STK31: variants seen among roughly 807,000 people sequenced by gnomAD.
STK31 encodes serine/threonine kinase 31.
In STK31, 89 loss-of-function variants were observed where a neutral mutation model predicts 129.7. That is an observed-to-expected ratio of 0.69 (90% CI 0.58 to 0.82). The LOEUF (loss-of-function observed/expected upper bound fraction) is 0.82. STK31 is among the 40% of genes least tolerant of loss of function. STK31 has a pLI of 0.00. For missense variants in STK31, 1,187 were observed against 1,176.4 expected, an observed-to-expected ratio of 1.01 and a Z score of -0.13; for synonymous variants, 448 against 395.3, an observed-to-expected ratio of 1.13 and a Z score of -1.58.
At chr7:23,785,379 G>A in intron 17 of STK31, 99 bp from the exon 18 acceptor site, 1 of 1,486,004 alleles carries the variant, frequency 6.7e-7, no homozygotes. Flanking sequence ...ACAGTTGATG[G>A]TGTCCAAGTC....
At chr7:23,753,368 A>G (rs1403341313) in intron 9 of STK31, among the ~76,000 whole-genome samples, 3 of 152,086 alleles carry the variant, frequency 2.0e-5, no homozygotes, top group Non-Finnish European at 4.4e-5. Context: ...GAGTGTGTGG[A>G]TGAGGGTGAG....
At chr7:23,828,399 C>T (rs954949119) in intron 23 of STK31, among the ~76,000 whole-genome samples, 1 of 152,238 alleles carries the variant, frequency 6.6e-6, no homozygotes, top group Non-Finnish European at 1.5e-5. Context: ...GAGCCATGTG[C>T]CGGATATAAT....
At chr7:23,726,897 G>A (rs971176085) in intron 4 of STK31, among the ~76,000 whole-genome samples, 11 of 151,944 alleles carry the variant, frequency 7.2e-5, no homozygotes, top group African/African-American at 2.2e-4. Flanking sequence ...ACCAATTATC[G>A]CCTCAGATAT....
Position 23,712,159 on chromosome 7 carries a change from A to C in STK31, c.97+14A>C, listed in dbSNP as rs748461587. 5 of 1,613,764 alleles carry C rather than the reference A, an allele frequency of 3.1e-6. No homozygotes were observed. The highest frequency in any genetic ancestry group is 4.2e-6 in the Non-Finnish European group (5 of 1,179,748). On this transcript the variant is annotated intron_variant, in intron 2 of 23. Transcript: ENST00000355870. ...ATTACGATAAAGGTACTGACACTAAAAATTATTTTGGGGTGTAAGAGCTAG... is the reference window on the plus strand; with the variant it reads ...ATTACGATAAAGGTACTGACACTAACAATTATTTTGGGGTGTAAGAGCTAG...
At chr7:23,726,264 A>G (rs746657236) in intron 4 of STK31, 8 of 151,938 alleles carry the variant, frequency 5.3e-5, no homozygotes, top group Non-Finnish European at 1.2e-4. Context: ...TCTAGAGGCC[A>G]GAAGGGATGT....
chr7:23,726,399 C>CCTGG (rs1489525977), intron 4 of STK31: 1 of 126,864 alleles, frequency 7.9e-6, no homozygotes, highest in East Asian at 2.4e-4. Context: ...TGAAAGCCAG[C>CCTGG]CTGGGCAACA....
At chr7:23,758,887 C>G (rs963665308) in intron 10 of STK31, among the ~76,000 whole-genome samples, 1 of 152,092 alleles carries the variant, frequency 6.6e-6, no homozygotes. Flanking sequence ...GTGCTGTATT[C>G]AGGAGACCCA....
At chr7:23,830,826 G>A (rs1227445449) in intron 23 of STK31, among the ~76,000 whole-genome samples, 2 of 152,100 alleles carry the variant, frequency 1.3e-5, no homozygotes, top group African/African-American at 4.8e-5. Context: ...CACCATGTCA[G>A]CCAGGCTGGT....
At chr7:23,726,429 C>CAAAAAAAAAAAA (rs70956913) in intron 4 of STK31, 6 of 79,128 alleles carry the variant, frequency 7.6e-5, no homozygotes, top group East Asian at 3.5e-4. Context: ...CTTGCCTCTA[C>CAAAAAAAAAAAA]AAAAAAAAAA....
intron 11 of STK31, among the ~76,000 whole-genome samples, chr7:23,767,140 T>C (rs1789879848): frequency 6.6e-6 from 1 of 152,244 alleles, no homozygotes; most frequent in Admixed American, 6.5e-5. Context: ...ATATTTATTA[T>C]GCTTATTTTT....
chr7:23,825,295 A>C (rs946413882), intron 23 of STK31, among the ~76,000 whole-genome samples: 2 of 152,190 alleles, frequency 1.3e-5, no homozygotes, highest in African/African-American at 2.4e-5. Flanking sequence ...TGGTCTATTC[A>C]GAGATTCAAC....
At chr7:23,830,205 T>C (rs1794457501) in intron 23 of STK31, among the ~76,000 whole-genome samples, 1 of 152,204 alleles carries the variant, frequency 6.6e-6, no homozygotes, top group African/African-American at 2.4e-5. Context: ...AAAGTTTTAG[T>C]ACAGCTAGCA....
At position 23,832,149 on chromosome 7, in the gene STK31, A is replaced by T. The variant is rs376560007; in HGVS notation, c.2843A>T (p.Lys948Ile). The T allele has an allele frequency of 1.9e-6, 3 of 1,613,218 alleles. No homozygotes were observed. Among genetic ancestry groups the T allele is most frequent in the Non-Finnish European group, 2.5e-6 (3 of 1,179,496 alleles). ...TTTTCCTTGCAGGATGATAAAGTCA[A>T]ATCCCTCCTCTGTAGCTTGATATGT... The part of the protein sequence containing the change: ...VDQFHLDDKV[K>I]SLLCSLICYR... Residue 948 changes from lysine (K) to isoleucine (I), a missense_variant, in exon 24 of 24, where the codon AAA (lysine) becomes ATA (isoleucine). Coordinates refer to ENST00000355870, the MANE Select transcript of STK31 (RefSeq NM_031414.5).
chr7:23,754,254 T>C, intron 9 of STK31, 61 bp from the exon 10 acceptor site: 1 of 1,562,216 alleles, frequency 6.4e-7, no homozygotes, highest in Non-Finnish European at 8.7e-7. Context: ...AAAGTGTAAC[T>C]TTTTCTCACA....
intron 23 of STK31, among the ~76,000 whole-genome samples, chr7:23,818,880 C>A (rs567750424): frequency 1.7e-4 from 26 of 152,320 alleles, no homozygotes; most frequent in Non-Finnish European, 3.2e-4. Context: ...CTGCCTCAGC[C>A]TCCCAAAGTT....
At chr7:23,768,411 A>G (rs1310972643) in intron 11 of STK31, among the ~76,000 whole-genome samples, 1 of 152,194 alleles carries the variant, frequency 6.6e-6, no homozygotes, top group Non-Finnish European at 1.5e-5. Flanking sequence ...ATGATTGTCC[A>G]TATATATGTT....
intron 11 of STK31, among the ~76,000 whole-genome samples, chr7:23,765,252 C>T (rs997491760): frequency 3.9e-5 from 6 of 151,938 alleles, no homozygotes; most frequent in African/African-American, 1.2e-4. Context: ...ATGGGTTTCA[C>T]GATGTTGCCC....
chr7:23,729,270 AT>A, intron 6 of STK31, 21 bp downstream of exon 6: 2 of 1,553,924 alleles, frequency 1.3e-6, no homozygotes, highest in Non-Finnish European at 1.7e-6. Context: ...TATTTTAAAT[AT>A]TTTTGCTAAT....
intron 6 of STK31, among the ~76,000 whole-genome samples, chr7:23,730,142 T>C (rs1787317030): frequency 6.6e-6 from 1 of 152,204 alleles, no homozygotes; most frequent in Admixed American, 6.5e-5. Flanking sequence ...TAAAATCTGT[T>C]ATACAAAGAT....
Sources: allele counts gnomAD v4.1 joint callset (sites outside exome capture counted in the v4.1 genomes callset), GRCh38; gene constraint gnomAD v4.1.1; transcripts MANE v1.5; gene names NCBI Gene and HGNC (gene_info 2026-07-23, HGNC 2026-07-21).